Variants in RTN1 observed in about 807,000 individuals in gnomAD.
RTN1 encodes the protein reticulon-1.
Under a neutral mutation model 65.5 loss-of-function variants are expected in RTN1, and 25 were observed. The observed-to-expected ratio is 0.38, with a 90% CI of 0.28 to 0.53. RTN1 has a LOEUF of 0.53. RTN1 is among the 20% of genes least tolerant of loss of function. The probability of loss-of-function intolerance (pLI) is 0.79; values close to 1 mark genes in which losing one functional copy is unlikely to be tolerated. For missense variants in RTN1, 983 were observed against 1,025.4 expected (o/e 0.96, Z 0.57); for synonymous variants, 471 against 447.6 (o/e 1.05, Z -0.66).
intron 3 of RTN1, among the ~76,000 whole-genome samples, chr14:59,722,194 A>C (rs1227838384): frequency 1.3e-5 from 2 of 152,188 alleles, no homozygotes. Context: ...TCATTTGCTC[A>C]GGAAGGGAAC....
At position 59,750,111 on chromosome 14, in the gene RTN1, T is replaced by G. The variant is rs1384825493; in HGVS notation, c.242-3630A>C. 3.7e-3 allele frequency among the ~76,000 whole-genome samples: 242 copies of G among 65,136 alleles called. 1 individual carries two copies. The highest frequency in any genetic ancestry group is 0.015 in the African/African-American group (188 of 12,280). 42.7% of individuals were successfully genotyped at this position (65,136 alleles called of 152,430 possible). On this transcript the variant is annotated intron_variant, in intron 1 of 8. Coordinates refer to ENST00000267484, the MANE Select transcript of RTN1 (RefSeq NM_021136.3). ...CATATATATTATATATTATATATTA[T>G]ATATAATATATATTATCTATAATAT... is the stretch of plus-strand genomic sequence containing the variant.
At chr14:59,597,545 T>C (rs138298916) in intron 8 of RTN1, among the ~76,000 whole-genome samples, 205 of 152,358 alleles carry the variant, frequency 1.3e-3, no homozygotes, top group African/African-American at 4.7e-3. Context: ...TACCCTTCCA[T>C]GTACTGGAAT....
At chr14:59,798,480 T>C (rs1418557164) in intron 1 of RTN1, among the ~76,000 whole-genome samples, 1 of 152,190 alleles carries the variant, frequency 6.6e-6, no homozygotes, top group Non-Finnish European at 1.5e-5. Flanking sequence ...ATGGGTTCTT[T>C]AGGAGGCTCT....
chr14:59,820,361 T>TTC (rs1886920400), intron 1 of RTN1, among the ~76,000 whole-genome samples: 1 of 106,486 alleles, frequency 9.4e-6, no homozygotes, highest in East Asian at 2.4e-4. Context: ...TGATAGTTTT[T>TTC]TTTTTTTTTT....
At chr14:59,797,887 C>A (rs1248212647) in intron 1 of RTN1, among the ~76,000 whole-genome samples, 1 of 152,104 alleles carries the variant, frequency 6.6e-6, no homozygotes, top group Non-Finnish European at 1.5e-5. Context: ...CCCAGTGATG[C>A]CAACATTTTA....
intron 3 of RTN1, among the ~76,000 whole-genome samples, chr14:59,723,126 G>A (rs1362674051): frequency 6.6e-6 from 1 of 151,924 alleles, no homozygotes; most frequent in Admixed American, 6.6e-5. Context: ...GTGCCATTTT[G>A]TACAGTTTGA....
Position 59,870,679 on chromosome 14 carries a change from T to C in RTN1, c.-49A>G. 7.6e-7 allele frequency: 1 copy of C among 1,315,452 alleles called. No homozygotes were observed. The highest frequency in any genetic ancestry group is 2.2e-5 in the South Asian group (1 of 46,186). 81.5% of individuals were successfully genotyped at this position (1,315,452 alleles called of 1,614,324 possible). A position where few individuals can be genotyped will look rare whatever the true frequency, so the allele number is the denominator to read the frequency against. ...GACGGCGGCTTGGCTGGGCAGAGGC[T>C]CGGTGGCTGCGCGGGCGCTCCCTGC... On this transcript the variant is annotated 5_prime_UTR_variant, in exon 1 of 9. Coordinates refer to ENST00000267484, the MANE Select transcript of RTN1 (RefSeq NM_021136.3). This position sits in a 1 kb window ranked among gnomAD's most constrained non-coding sequence, Gnocchi z 5.1.
At chr14:59,705,130 C>A (rs967640181) in intron 3 of RTN1, among the ~76,000 whole-genome samples, 1 of 152,106 alleles carries the variant, frequency 6.6e-6, no homozygotes, top group Non-Finnish European at 1.5e-5. Context: ...AACAACCTCC[C>A]CCTATTCCCA....
intron 8 of RTN1, among the ~76,000 whole-genome samples, chr14:59,598,059 C>T (rs769342579): frequency 1.5e-4 from 22 of 151,464 alleles, no homozygotes; most frequent in Non-Finnish European, 2.4e-4. Flanking sequence ...GTAAGAAGAT[C>T]ATGATGGTGG....
chr14:59,747,901 T>C (rs903957949), intron 1 of RTN1, among the ~76,000 whole-genome samples: 1 of 152,020 alleles, frequency 6.6e-6, no homozygotes, highest in African/African-American at 2.4e-5. Context: ...GAGCAATAAC[T>C]CATATAAAAG....
chr14:59,726,834 G>T, intron 3 of RTN1, 85 bp downstream of exon 3: 1 of 1,193,172 alleles, frequency 8.4e-7, no homozygotes, highest in Non-Finnish European at 1.2e-6. Context: ...ATGACTCCAG[G>T]GCTGAGCCAG....
At chr14:59,676,975 C>A (rs1017756968) in intron 3 of RTN1, among the ~76,000 whole-genome samples, 24 of 152,166 alleles carry the variant, frequency 1.6e-4, no homozygotes, top group African/African-American at 5.8e-4. Flanking sequence ...ACAGATTGAT[C>A]ATTGTCAGTG....
At chr14:59,671,373 T>A (rs1045999247) in intron 3 of RTN1, among the ~76,000 whole-genome samples, 6 of 152,180 alleles carry the variant, frequency 3.9e-5, no homozygotes, top group Non-Finnish European at 7.3e-5. Context: ...AACTGTCAGA[T>A]AACATGGAAG....
At chr14:59,599,215 T>C (rs918251776) in intron 8 of RTN1, among the ~76,000 whole-genome samples, 3 of 152,236 alleles carry the variant, frequency 2.0e-5, no homozygotes, top group African/African-American at 7.2e-5. Context: ...CTCGCCGCAT[T>C]CTATATCTGT....
At chr14:59,778,698 G>C (rs1016757408) in intron 1 of RTN1, among the ~76,000 whole-genome samples, 2 of 152,166 alleles carry the variant, frequency 1.3e-5, no homozygotes, top group African/African-American at 4.8e-5. Flanking sequence ...CAGTTGCACT[G>C]AAAGGCAATG....
At chr14:59,796,769 T>G (rs1886447429) in intron 1 of RTN1, among the ~76,000 whole-genome samples, 1 of 152,156 alleles carries the variant, frequency 6.6e-6, no homozygotes, top group African/African-American at 2.4e-5. Flanking sequence ...TCCTTCCAAT[T>G]TTCTCCAAAG....
At chr14:59,682,200 C>T (rs79572181) in intron 3 of RTN1, among the ~76,000 whole-genome samples, 208 of 152,246 alleles carry the variant, frequency 1.4e-3, no homozygotes, top group Middle Eastern at 0.014. Context: ...GGACTTTACA[C>T]ACATTCTTTT....
chr14:59,726,003 C>T (rs898561243), intron 3 of RTN1, among the ~76,000 whole-genome samples: 9 of 152,154 alleles, frequency 5.9e-5, no homozygotes, highest in Admixed American at 5.2e-4. Context: ...GTTTTAAAGT[C>T]CTACCTGAGT....
At chr14:59,608,882 T>A (rs1315699120) in intron 3 of RTN1, among the ~76,000 whole-genome samples, 1 of 152,050 alleles carries the variant, frequency 6.6e-6, no homozygotes, top group East Asian at 1.9e-4. Context: ...GGACTGGTCC[T>A]ACAAATAGGT....
Sources: allele counts gnomAD v4.1 joint callset (sites outside exome capture counted in the v4.1 genomes callset), GRCh38; gene constraint gnomAD v4.1.1; non-coding constraint Gnocchi (gnomAD v3.1); transcripts MANE v1.5; gene names NCBI Gene and HGNC (gene_info 2026-07-23, HGNC 2026-07-21).